GLIS1: variants seen among roughly 807,000 people sequenced by gnomAD.
GLIS1 encodes the protein GLIS family zinc finger 1.
In GLIS1, 24 loss-of-function variants were observed where a neutral mutation model predicts 63.8. The observed-to-expected ratio is 0.38, with a 90% CI of 0.27 to 0.53. GLIS1 has a LOEUF of 0.53. GLIS1 is among the 20% of genes least tolerant of loss of function. The pLI is 0.85. For synonymous variants in GLIS1, 450 were observed against 482.5 expected (o/e 0.93, Z 0.88); for missense variants, 1,036 against 1,074.1 (o/e 0.96, Z 0.50).
intron 2 of GLIS1, among the ~76,000 whole-genome samples, chr1:53,658,468 A>C (rs554062581): frequency 4.3e-4 from 66 of 152,362 alleles, no homozygotes; most frequent in Middle Eastern, 3.4e-3. Flanking sequence ...AGCAGTCTAC[A>C]GGAAAGGAAA....
intron 2 of GLIS1, among the ~76,000 whole-genome samples, chr1:53,632,727 T>C (rs1376251093): frequency 6.7e-6 from 1 of 148,406 alleles, no homozygotes; most frequent in Non-Finnish European, 1.5e-5. Context: ...CTGAGGGGCA[T>C]GTATATGTGT....
At chr1:53,697,864 T>C (rs1646482068) in intron 2 of GLIS1, among the ~76,000 whole-genome samples, 1 of 152,068 alleles carries the variant, frequency 6.6e-6, no homozygotes, top group Non-Finnish European at 1.5e-5. Context: ...ACAGAGCCCA[T>C]AAGAGGTGGA....
At chr1:53,673,154 A>G (rs984212364) in intron 2 of GLIS1, among the ~76,000 whole-genome samples, 3 of 152,164 alleles carry the variant, frequency 2.0e-5, no homozygotes, top group African/African-American at 7.2e-5. Context: ...TCCCGAGCCC[A>G]CACTCAGTTT....
At chr1:53,732,242 C>A (rs112209230) in intron 2 of GLIS1, among the ~76,000 whole-genome samples, 4,141 of 152,274 alleles carry the variant, frequency 0.027, 188 homozygotes, top group African/African-American at 0.095. Context: ...GGAAAAAGGG[C>A]AAAAGAAGAA....
At chr1:53,545,114 T>C (rs1434264523) in intron 4 of GLIS1, among the ~76,000 whole-genome samples, 1 of 152,220 alleles carries the variant, frequency 6.6e-6, no homozygotes, top group Non-Finnish European at 1.5e-5. Context: ...CAAATCCTGA[T>C]TCCCCTCCAA....
intron 2 of GLIS1, among the ~76,000 whole-genome samples, chr1:53,709,313 T>A (rs1646613920): frequency 9.0e-6 from 1 of 110,668 alleles, no homozygotes; most frequent in East Asian, 2.7e-4. Context: ...ATTTATATAT[T>A]TACTGTATAA....
intron 2 of GLIS1, among the ~76,000 whole-genome samples, chr1:53,609,016 ACAG>A (rs1444869660): frequency 1.3e-5 from 2 of 152,198 alleles, no homozygotes; most frequent in Non-Finnish European, 2.9e-5. Context: ...AGCTAGAAGA[ACAG>A]CAGAGAAACT....
chr1:53,647,500 G>A (rs937758106), intron 2 of GLIS1, among the ~76,000 whole-genome samples: 4 of 151,960 alleles, frequency 2.6e-5, no homozygotes, highest in South Asian at 2.1e-4. Flanking sequence ...ATACAATGTC[G>A]GAAAAAAGAA....
In GLIS1 at chr1:53,696,065, CT is replaced by C. The variant is rs551402434; in HGVS notation, c.259+41740del. On this transcript the variant is annotated intron_variant, in intron 2 of 10. Transcript: ENST00000628545. ...GCATGAAATCCCCAGGGCTTCTCCA[CT>C]CCCAGCAGTTACCCCTGCTTTACAA... Among the ~76,000 whole-genome samples, 3 of 152,364 alleles carry C rather than the reference CT, an allele frequency of 2.0e-5. No homozygotes were observed. In the South Asian group the frequency reaches 6.2e-4, roughly 32 times the overall value.
At chr1:53,697,958 G>A (rs541513674) in intron 2 of GLIS1, among the ~76,000 whole-genome samples, 2 of 152,264 alleles carry the variant, frequency 1.3e-5, no homozygotes, top group South Asian at 4.1e-4. Flanking sequence ...TGGGGACAGA[G>A]CAGGGTTATT....
At chr1:53,695,085 T>G (rs1388415071) in intron 2 of GLIS1, among the ~76,000 whole-genome samples, 3 of 151,698 alleles carry the variant, frequency 2.0e-5, no homozygotes, top group African/African-American at 7.3e-5. Flanking sequence ...CCGCATCTGT[T>G]TAAAAAGCCC....
At chr1:53,519,809 C>T (rs957754964) in intron 7 of GLIS1, among the ~76,000 whole-genome samples, 3 of 152,248 alleles carry the variant, frequency 2.0e-5, no homozygotes, top group Admixed American at 1.3e-4. Context: ...GGGCTAAGTT[C>T]CTATCCTCTC....
At chr1:53,731,388 TG>T (rs1646859170) in intron 2 of GLIS1, among the ~76,000 whole-genome samples, 1 of 152,214 alleles carries the variant, frequency 6.6e-6, no homozygotes, top group South Asian at 2.1e-4. Context: ...TGCTCTGGGA[TG>T]TGGCTGTCTG....
intron 2 of GLIS1, among the ~76,000 whole-genome samples, chr1:53,661,909 TC>T (rs1646032873): frequency 6.6e-6 from 1 of 152,058 alleles, no homozygotes; most frequent in Non-Finnish European, 1.5e-5. Context: ...TGTCCTGAGG[TC>T]TCCGCTGGGC....
chr1:53,593,308 G>A (rs1044017332), intron 4 of GLIS1, among the ~76,000 whole-genome samples: 4 of 152,268 alleles, frequency 2.6e-5, no homozygotes, highest in Non-Finnish European at 5.9e-5. Flanking sequence ...GTTAGGCTGA[G>A]TGTATCAGGG....
rs1227779180 is a variant in GLIS1 at position 53,594,528 on chromosome 1, T to C, written c.900A>G (p.Ala300=). 8 of 1,611,112 alleles carry C rather than the reference T, an allele frequency of 5.0e-6. No homozygotes were observed. Among genetic ancestry groups the C allele is most frequent in the East Asian group, 2.2e-5 (1 of 44,802 alleles). Residue 300 remains alanine (A), a synonymous_variant, in exon 4 of 11, where the codon GCA becomes GCG. Transcript: ENST00000628545. ...AGCTGCCCTCATGGCTGTCCGTCGA[T>C]GCAGGGCCAGGCCGGGCCCGCTTGG... ...GPSKRARPGP[A]STDSHEGSLQ...
chr1:53,555,993 G>GTA (rs1644817504), intron 4 of GLIS1, among the ~76,000 whole-genome samples: 1 of 146,040 alleles, frequency 6.8e-6, no homozygotes. Context: ...GTGTGTGTGT[G>GTA]TGCAGGTATA....
chr1:53,594,532 G>C lies in GLIS1; in HGVS notation c.896C>G (p.Pro299Arg), dbSNP rs1039281049. ...GCCCTCATGGCTGTCCGTCGATGCA[G>C]GGCCAGGCCGGGCCCGCTTGGAAGG... is the stretch of plus-strand genomic sequence containing the variant. ...GGPSKRARPG[P>R]ASTDSHEGSL... The change falls in exon 4 of 11, where the codon CCT becomes CGT. Residue 299 changes from proline to arginine, a missense_variant. Around this residue, in one of 3 missense-constraint regions of GLIS1, gnomAD observed 592 missense variants for 593.9 expected, o/e 1.00. Coordinates refer to ENST00000628545, the MANE Select transcript of GLIS1 (RefSeq NM_001367484.1). 1 of 1,606,388 alleles carries C rather than the reference G, an allele frequency of 6.2e-7. No individual in the cohort carries two copies. Among genetic ancestry groups the C allele is most frequent in the African/African-American group, 1.3e-5 (1 of 74,772 alleles).
chr1:53,721,840 A>T (rs1162219549), intron 2 of GLIS1, among the ~76,000 whole-genome samples: 1 of 152,220 alleles, frequency 6.6e-6, no homozygotes, highest in South Asian at 2.1e-4. Flanking sequence ...ATAAAATTCA[A>T]TTTTTTATTT....
Sources: gnomAD v4.1 joint callset for allele counts (sites outside exome capture counted in the v4.1 genomes callset) on GRCh38, gnomAD v4.1.1 for gene constraint, gnomAD v4.1.1 regional missense constraint, MANE v1.5 for transcripts, NCBI Gene and HGNC (gene_info 2026-07-23, HGNC 2026-07-21) for gene names.